SCAND3: variants seen among roughly 807,000 people sequenced by gnomAD.
SCAND3 encodes the protein SCAN domain-containing protein 3.
At chr6:28,571,947 T>C in the SCAND3 span, 15 of 1,613,266 alleles carry the variant, frequency 9.3e-6, no homozygotes, top group Admixed American at 1.7e-5. Context: ...TGCTTGTTAA[T>C]TTGTCTAATC....
At chr6:28,595,227 G>A in the SCAND3 span, among the ~76,000 whole-genome samples, 23 of 115,968 alleles carry the variant, frequency 2.0e-4, no homozygotes, top group African/African-American at 7.5e-4. Context: ...AAAAAAAGCA[G>A]TCCCAGCCAC....
the SCAND3 span, among the ~76,000 whole-genome samples, chr6:28,601,561 C>G: frequency 2.0e-5 from 3 of 151,936 alleles, no homozygotes; most frequent in African/African-American, 7.3e-5. Flanking sequence ...GCTCTGTCGC[C>G]GAGGCTGAAC....
chr6:28,573,393 C>T, the SCAND3 span: 2 of 1,614,118 alleles, frequency 1.2e-6, no homozygotes. Flanking sequence ...GTGTTTTAGA[C>T]TTGGCAACCG....
the SCAND3 span, among the ~76,000 whole-genome samples, chr6:28,595,229 C>T: frequency 3.8e-5 from 5 of 131,244 alleles, no homozygotes; most frequent in African/African-American, 1.5e-4. Flanking sequence ...AAAAAGCAGT[C>T]CCAGCCACTA....
the SCAND3 span, chr6:28,586,322 C>T: frequency 6.2e-7 from 1 of 1,609,900 alleles, no homozygotes; most frequent in Admixed American, 1.7e-5. This position sits in a 1 kb window ranked among gnomAD's most constrained non-coding sequence, Gnocchi z 4.4. Context: ...CATCAAGCTC[C>T]CTCTCCAAAT....
the SCAND3 span, among the ~76,000 whole-genome samples, chr6:28,615,190 T>C: frequency 6.6e-6 from 1 of 152,376 alleles, no homozygotes; most frequent in African/African-American, 2.4e-5. Context: ...CAATGTTTGT[T>C]ACTGAACTGG....
chr6:28,603,677 T>C, the SCAND3 span, among the ~76,000 whole-genome samples: 1 of 152,168 alleles, frequency 6.6e-6, no homozygotes, highest in Non-Finnish European at 1.5e-5. Context: ...TAATCGTATA[T>C]ACTTCAGAAT....
At chr6:28,574,110 C>A in the SCAND3 span, among the ~76,000 whole-genome samples, 1 of 152,036 alleles carries the variant, frequency 6.6e-6, no homozygotes, top group Non-Finnish European at 1.5e-5. Context: ...TTTAACAATA[C>A]CTAAATTGGT....
chr6:28,607,123 A>G, the SCAND3 span, among the ~76,000 whole-genome samples: 1 of 152,244 alleles, frequency 6.6e-6, no homozygotes, highest in Non-Finnish European at 1.5e-5. Context: ...ATTATAAATC[A>G]TGAAAGAAAT....
the SCAND3 span, among the ~76,000 whole-genome samples, chr6:28,615,600 CAAAAA>C: frequency 8.6e-6 from 1 of 115,666 alleles, no homozygotes; most frequent in Admixed American, 8.8e-5. Flanking sequence ...GACTCCATCT[CAAAAA>C]AAAAAAAAAA....
the SCAND3 span, chr6:28,593,641 C>T: frequency 3.9e-5 from 6 of 152,278 alleles, no homozygotes; most frequent in Admixed American, 3.3e-4. Flanking sequence ...CGCCATTGCA[C>T]TCCAGCCTAG....
chr6:28,575,439 T>C, the SCAND3 span: 1 of 1,613,936 alleles, frequency 6.2e-7, no homozygotes, highest in Non-Finnish European at 8.5e-7. This position sits in a 1 kb window ranked among gnomAD's most constrained non-coding sequence, Gnocchi z 4.2. Context: ...TAAATATATC[T>C]AAAAGAGCAT....
At chr6:28,575,773 A>G in the SCAND3 span, 1 of 1,614,134 alleles carries the variant, frequency 6.2e-7, no homozygotes, top group Non-Finnish European at 8.5e-7. The surrounding 1 kb of genome is among the most constrained non-coding windows in gnomAD (Gnocchi z 4.2). Context: ...TGTATTATGC[A>G]GAATGTCAAA....
At chr6:28,606,448 T>G in the SCAND3 span, among the ~76,000 whole-genome samples, 1 of 152,270 alleles carries the variant, frequency 6.6e-6, no homozygotes, top group South Asian at 2.1e-4. Context: ...CTCCATGGTT[T>G]CCTACAGATT....
chr6:28,594,733 G>T, the SCAND3 span, among the ~76,000 whole-genome samples: 3 of 152,120 alleles, frequency 2.0e-5, no homozygotes, highest in African/African-American at 7.2e-5. Context: ...TTTTCACAAT[G>T]AGGATGAACC....
At chr6:28,575,786 A>C in the SCAND3 span, 1 of 1,614,126 alleles carries the variant, frequency 6.2e-7, no homozygotes, top group East Asian at 2.2e-5. This position sits in a 1 kb window ranked among gnomAD's most constrained non-coding sequence, Gnocchi z 4.2. Flanking sequence ...ATGTCAAATA[A>C]GTCCTCACTG....
At chr6:28,579,116 C>A in the SCAND3 span, among the ~76,000 whole-genome samples, 1 of 152,188 alleles carries the variant, frequency 6.6e-6, no homozygotes, top group Non-Finnish European at 1.5e-5. The surrounding 1 kb of genome is among the most constrained non-coding windows in gnomAD (Gnocchi z 4.5). Context: ...TTTAATTCAA[C>A]TCCCTTAATA....
the SCAND3 span, among the ~76,000 whole-genome samples, chr6:28,581,321 G>C: frequency 6.6e-6 from 1 of 152,184 alleles, no homozygotes; most frequent in Admixed American, 6.5e-5. Context: ...CTGGGTGACA[G>C]AGTGAGATTC....
the SCAND3 span, among the ~76,000 whole-genome samples, chr6:28,595,718 G>A: frequency 1.5e-4 from 20 of 133,234 alleles, no homozygotes; most frequent in East Asian, 6.1e-4. Context: ...GCGAAACTCC[G>A]TCTCAAAAAA....
Sources: gnomAD v4.1 joint callset for allele counts (sites outside exome capture counted in the v4.1 genomes callset) on GRCh38, gnomAD v4.1.1 for gene constraint, Gnocchi (gnomAD v3.1) non-coding constraint, MANE v1.5 for transcripts, NCBI Gene and HGNC (gene_info 2026-07-23, HGNC 2026-07-21) for gene names.